The following MAGEA11 variants were observed in gnomAD, a reference collection of about 807,000 sequenced individuals.
MAGEA11 encodes the protein MAGE family member A11.
A neutral mutation model predicts 8.4 loss-of-function variants in MAGEA11; 1 was observed. That is an observed-to-expected ratio of 0.12 (90% confidence interval 0.04 to 0.57). MAGEA11 has a LOEUF of 0.57. Ranked by LOEUF, MAGEA11 falls within the 20% of genes least tolerant of loss-of-function variation. The pLI, the probability that MAGEA11 is intolerant of heterozygous loss-of-function variation, is 0.91. For missense variants in MAGEA11, 209 were observed against 317.3 expected, an observed-to-expected ratio of 0.66 and a Z score of 2.59; for synonymous variants, 127 against 119.3, an observed-to-expected ratio of 1.06 and a Z score of -0.42.
intron 1 of MAGEA11, among the ~76,000 whole-genome samples, chrX:149,701,784 T>C (rs2090354886): frequency 1.8e-5 from 2 of 111,611 alleles, no homozygotes; most frequent in Admixed American, 9.5e-5. Flanking sequence ...CTTCTACATA[T>C]GGCTAGCCAG....
At chrX:149,709,591 A>G (rs1263206723), upstream of MAGEA11, among the ~76,000 whole-genome samples, 1 of 112,198 alleles carries the variant, frequency 8.9e-6, no homozygotes, top group African/African-American at 3.2e-5. Flanking sequence ...ATAGCAACAA[A>G]TATCCTAAAT....
chrX:149,714,722 C>G (rs2090418637), intron 3 of MAGEA11, 146 bp downstream of exon 3: 1 of 1,003,530 alleles, frequency 1.0e-6, no homozygotes, highest in Non-Finnish European at 1.3e-6. Flanking sequence ...GATCATTGGT[C>G]TCAGGGAGCG....
chrX:149,715,274 T>C (rs2090421177), intron 3 of MAGEA11, among the ~76,000 whole-genome samples: 1 of 111,819 alleles, frequency 8.9e-6, no homozygotes, highest in Non-Finnish European at 1.9e-5. Flanking sequence ...CTCACAGAGT[T>C]TGGCCCACCT....
chrX:149,691,332 T>C (rs782163223), intron 1 of MAGEA11, among the ~76,000 whole-genome samples: 10 of 111,767 alleles, frequency 8.9e-5, no homozygotes, highest in Non-Finnish European at 1.3e-4. Context: ...CTATTATCAG[T>C]GTCATGTGTG....
chrX:149,690,022 C>A (rs1194470342), intron 1 of MAGEA11, among the ~76,000 whole-genome samples: 2 of 112,355 alleles, frequency 1.8e-5, no homozygotes, highest in African/African-American at 6.5e-5. Flanking sequence ...TCATTCCTAG[C>A]CCTGCTTCAG....
At chrX:149,688,691 CAT>C (rs2090297604), upstream of MAGEA11, 1 of 200,415 alleles carries the variant, frequency 5.0e-6, no homozygotes, top group African/African-American at 3.0e-5. Context: ...TATACATATA[CAT>C]ATACATATAC....
chrX:149,696,691 C>T (rs967795345), intron 1 of MAGEA11, among the ~76,000 whole-genome samples: 14 of 111,414 alleles, frequency 1.3e-4, no homozygotes, highest in African/African-American at 4.6e-4. Flanking sequence ...ACCTCACTTC[C>T]TGTCTGACCA....
exon 1 of MAGEA11, chrX:149,688,953 A>T: frequency 9.7e-7 from 1 of 1,026,957 alleles, no homozygotes; most frequent in Non-Finnish European, 1.3e-6. Flanking sequence ...ATGGCTGACC[A>T]TTGATACAGG....
chrX:149,711,809 G>T (rs1171714877), upstream of MAGEA11: 1 of 752,368 alleles, frequency 1.3e-6, no homozygotes, highest in Non-Finnish European at 1.6e-6. Context: ...GACATCATTG[G>T]CAGAGGACGG....
At chrX:149,701,997 G>A (rs1388422703) in intron 1 of MAGEA11, among the ~76,000 whole-genome samples, 1 of 112,070 alleles carries the variant, frequency 8.9e-6, no homozygotes, top group African/African-American at 3.2e-5. Context: ...AAGTCAGGTA[G>A]CATGATGTTA....
chrX:149,691,960 T>A (rs2090312421), intron 1 of MAGEA11, among the ~76,000 whole-genome samples: 1 of 112,784 alleles, frequency 8.9e-6, no homozygotes, highest in Non-Finnish European at 1.9e-5. Flanking sequence ...AAAATTAAAA[T>A]TGTAAAGAGT....
chrX:149,701,055 A>C (rs1462785492), intron 1 of MAGEA11, among the ~76,000 whole-genome samples: 1 of 111,130 alleles, frequency 9.0e-6, no homozygotes, highest in African/African-American at 3.3e-5. Context: ...TAGCAGCATG[A>C]TTTATAGTCT....
intron 1 of MAGEA11, among the ~76,000 whole-genome samples, chrX:149,702,417 T>C (rs931904403): frequency 3.8e-4 from 42 of 111,770 alleles, no homozygotes; most frequent in African/African-American, 1.3e-3. Context: ...TTATAAAATA[T>C]CTTTCTTTTT....
chrX:149,712,254 CAG>C (rs1188895757), intron 1 of MAGEA11, 92 bp downstream of exon 1: 24 of 432,611 alleles, frequency 5.5e-5, no homozygotes, highest in African/African-American at 5.5e-5. Flanking sequence ...CCTGAAACAA[CAG>C]GGGACCAAAT....
chrX:149,691,316 C>T (rs1462390618), intron 1 of MAGEA11, among the ~76,000 whole-genome samples: 2 of 111,463 alleles, frequency 1.8e-5, no homozygotes, highest in African/African-American at 6.5e-5. Flanking sequence ...TCTTTGCCTA[C>T]AATCTCTATT....
intron 1 of MAGEA11, among the ~76,000 whole-genome samples, chrX:149,706,936 G>A (rs2090379996): frequency 8.9e-6 from 1 of 112,768 alleles, no homozygotes; most frequent in African/African-American, 3.2e-5. Flanking sequence ...GGTCACAGCT[G>A]CCTCCTGACA....
At chrX:149,694,039 G>A (rs1384151927) in intron 1 of MAGEA11, among the ~76,000 whole-genome samples, 4 of 111,925 alleles carry the variant, frequency 3.6e-5, no homozygotes, top group African/African-American at 1.3e-4. Context: ...ATGTACAAGT[G>A]TTTGATTATT....
intron 1 of MAGEA11, among the ~76,000 whole-genome samples, chrX:149,712,888 A>G (rs1204179715): frequency 2.0e-4 from 22 of 112,519 alleles, no homozygotes; most frequent in South Asian, 3.7e-4. Flanking sequence ...CCCACAGAGC[A>G]AGGCTCCCTC....
intron 1 of MAGEA11, among the ~76,000 whole-genome samples, chrX:149,696,789 G>A (rs991688267): frequency 9.0e-6 from 1 of 111,628 alleles, no homozygotes. Flanking sequence ...CCTGACACAC[G>A]TGCATTTGGA....
Sources: gnomAD v4.1 joint callset for allele counts (sites outside exome capture counted in the v4.1 genomes callset) on GRCh38, gnomAD v4.1.1 for gene constraint, MANE v1.5 for transcripts, NCBI Gene and HGNC (gene_info 2026-07-23, HGNC 2026-07-21) for gene names.